The following PCDHGA7 variants were observed in gnomAD, a reference collection of about 807,000 sequenced individuals.
PCDHGA7 encodes the protein protocadherin gamma subfamily A, 7.
In PCDHGA7, 44 loss-of-function variants were observed where a neutral mutation model predicts 58.3. The observed-to-expected ratio is 0.75, with a 90% CI of 0.59 to 0.97. The LOEUF is 0.97. PCDHGA7 is among the 50% of genes least tolerant of loss of function. The pLI is 0.00. For synonymous variants in PCDHGA7, 516 were observed against 504.2 expected (o/e 1.02, Z -0.31); for missense variants, 1,266 against 1,188.7 (o/e 1.06, Z -0.96).
rs1460072742 is a variant in PCDHGA7, at chr5:141,399,761, G to A, written c.2424+14438G>A. 3 of 1,613,238 alleles carry A rather than the reference G, an allele frequency of 1.9e-6. No individual in the cohort carries two copies. The highest frequency in any genetic ancestry group is 1.7e-4 in the Middle Eastern group (1 of 5,918). On this transcript the variant is annotated intron_variant, in intron 1 of 3. Transcript: ENST00000518325. The stretch of plus-strand genomic sequence containing the variant: ...GCGCTCAGCGCAAACGTGAGCCTGC[G>A]CGTGTTGGTGGGCGACCGAAACGAC...
At chr5:141,395,078 G>T (rs756312673) in intron 1 of PCDHGA7, 3 of 1,614,126 alleles carry the variant, frequency 1.9e-6, no homozygotes, top group South Asian at 1.1e-5. Context: ...CCTATTCCCA[G>T]GAAGTCTCCC....
chr5:141,402,942 G>A, intron 1 of PCDHGA7: 1 of 1,591,382 alleles, frequency 6.3e-7, no homozygotes, highest in Non-Finnish European at 8.6e-7. Flanking sequence ...AAATTCCAAA[G>A]CGAGGCAGCA....
Position 141,476,461 on chromosome 5 carries a change from G to T in PCDHGA7, c.2425-18346G>T. On this transcript the variant is annotated intron_variant, in intron 1 of 3. Transcript: ENST00000518325. This position sits in a 1 kb window ranked among gnomAD's most constrained non-coding sequence, Gnocchi z 7.6. The stretch of plus-strand genomic sequence containing the variant: ...CTCTGGAGTTGGTAGTGGAGAACCC[G>T]CTGGAGCTGTTCAGCGTGGAAGTGG... The T allele has an allele frequency of 6.2e-7, 1 of 1,614,122 alleles. No homozygotes were observed. Among genetic ancestry groups the T allele is most frequent in the Non-Finnish European group, 8.5e-7 (1 of 1,180,022 alleles).
At chr5:141,437,761 C>T (rs1200327020) in intron 1 of PCDHGA7, among the ~76,000 whole-genome samples, 1 of 144,680 alleles carries the variant, frequency 6.9e-6, no homozygotes, top group African/African-American at 2.6e-5. Context: ...TTTTTTGAGA[C>T]AGAGTCTCAA....
chr5:141,454,762 G>C (rs889314181), intron 1 of PCDHGA7, among the ~76,000 whole-genome samples: 4 of 115,056 alleles, frequency 3.5e-5, no homozygotes, highest in African/African-American at 6.6e-5. Context: ...ATCTTGACAT[G>C]TTTTTTACAA....
chr5:141,508,026 T>A (rs972124070), intron 3 of PCDHGA7: 3 of 152,314 alleles, frequency 2.0e-5, no homozygotes, highest in African/African-American at 7.2e-5. Context: ...GGCTGCGGTT[T>A]GCAGCTCAGC....
chr5:141,428,148 G>A (rs774961575), intron 1 of PCDHGA7: 6 of 1,588,024 alleles, frequency 3.8e-6, no homozygotes, highest in East Asian at 4.5e-5. Flanking sequence ...GCTGCACACG[G>A]GAACCTGCTG....
intron 1 of PCDHGA7, chr5:141,478,675 G>A (rs1264846161): frequency 6.4e-7 from 1 of 1,551,574 alleles, no homozygotes; most frequent in South Asian, 1.2e-5. Context: ...ACTTTCAACT[G>A]GCCCTTCCTA....
rs1296142784 is a variant in PCDHGA7 at position 141,431,302 on chromosome 5, C to T, written c.2424+45979C>T. ...GCCCGAACACTCACTTCTCCCTCAT[C>T]GTGCAAAATGGAGCCGACGGTAGTA... is the stretch of plus-strand genomic sequence containing the variant. On this transcript the variant is annotated intron_variant, in intron 1 of 3. Coordinates refer to ENST00000518325, the MANE Select transcript of PCDHGA7 (RefSeq NM_018920.4). This position sits in a 1 kb window ranked among gnomAD's most constrained non-coding sequence, Gnocchi z 4.8. 2 of 1,614,028 alleles carry T rather than the reference C, an allele frequency of 1.2e-6. No individual in the cohort carries two copies. Among genetic ancestry groups the T allele is most frequent in the African/African-American group, 1.3e-5 (1 of 74,946 alleles).
intron 1 of PCDHGA7, chr5:141,403,538 C>T (rs781129314): frequency 1.5e-5 from 24 of 1,613,874 alleles, no homozygotes; most frequent in Non-Finnish European, 1.5e-5. Flanking sequence ...AGAGCTGGTG[C>T]TGGAGCGCGC....
In PCDHGA7 at chr5:141,393,848, A is replaced by G. The variant is rs1368797606; in HGVS notation, c.2424+8525A>G. Reference sequence around the variant, plus strand: ...TGGAAGATGTAAATGACAATAGACCAGAAGTGATCATTACGTCTTTGTTTA... The same window carrying G: ...TGGAAGATGTAAATGACAATAGACCGGAAGTGATCATTACGTCTTTGTTTA... On this transcript the variant is annotated intron_variant, in intron 1 of 3. Transcript: ENST00000518325. 2.5e-6 allele frequency: 4 copies of G among 1,614,008 alleles called. No individual in the cohort carries two copies. The South Asian group carries it at 4.4e-5, about 18-fold the overall frequency.
At chr5:141,467,537 A>G (rs2154569542) in intron 1 of PCDHGA7, among the ~76,000 whole-genome samples, 1 of 152,192 alleles carries the variant, frequency 6.6e-6, no homozygotes, top group Non-Finnish European at 1.5e-5. Context: ...TGAGATATGG[A>G]TCTGATTATA....
At position 141,409,100 on chromosome 5, in the gene PCDHGA7, A is replaced by G. The variant is rs1341878280; in HGVS notation, c.2424+23777A>G. ...GTTCTCATTGGATGAGAAAACAGGT[A>G]TGATTAAGAATAACCAGTCATTTGA... is the stretch of plus-strand genomic sequence containing the variant. On this transcript the variant is annotated intron_variant, in intron 1 of 3. Transcript: ENST00000518325. The G allele has an allele frequency of 6.8e-6, 11 of 1,613,934 alleles. No homozygotes were observed. In the Admixed American group the frequency reaches 1.0e-4, roughly 15 times the overall value.
rs1562157859 is a variant in PCDHGA7 at position 141,493,022 on chromosome 5, G to GTGCC, written c.2425-1784_2425-1781dup. Among the ~76,000 whole-genome samples, 2 of 152,222 alleles carry GTGCC rather than the reference G, an allele frequency of 1.3e-5. No homozygotes were observed. Among genetic ancestry groups the GTGCC allele is most frequent in the African/African-American group, 4.8e-5 (2 of 41,454 alleles). ...GCTATAGGCTCTGCCAGATGCCAGG[G>GTGCC]TGCCCTTATGTGTGAGGAAACTACA... On this transcript the variant is annotated intron_variant, in intron 1 of 3. Coordinates refer to ENST00000518325, the MANE Select transcript of PCDHGA7 (RefSeq NM_018920.4). The surrounding 1 kb of genome is among the most constrained non-coding windows in gnomAD (Gnocchi z 4.3).
At chr5:141,388,733 A>G in intron 1 of PCDHGA7, 1 of 1,613,986 alleles carries the variant, frequency 6.2e-7, no homozygotes, top group Non-Finnish European at 8.5e-7. Context: ...CTTTCAGTGA[A>G]GCTAGCCAGA....
At chr5:141,408,818 A>G in intron 1 of PCDHGA7, 1 of 1,613,578 alleles carries the variant, frequency 6.2e-7, no homozygotes, top group South Asian at 1.1e-5. Flanking sequence ...GGAAGAACAG[A>G]GATCTCATAG....
rs2097370658 is a variant in PCDHGA7 at position 141,431,413 on chromosome 5, C to T, written c.2424+46090C>T. The T allele has an allele frequency of 1.2e-6, 2 of 1,613,564 alleles. No homozygotes were observed. Among genetic ancestry groups the T allele is most frequent in the African/African-American group, 2.7e-5 (2 of 74,952 alleles). ...TGGTCCTTACGGCCTCCGACGGGGG[C>T]GACCCGGTGCGCACAGGCACCGCGC... On this transcript the variant is annotated intron_variant, in intron 1 of 3. Transcript: ENST00000518325. This position sits in a 1 kb window ranked among gnomAD's most constrained non-coding sequence, Gnocchi z 4.8.
In PCDHGA7 at chr5:141,477,097, G is replaced by A; in HGVS notation, c.2425-17710G>A. ...AGATTTACATCCAGGCCAAAGACAAGGGCGCCAATCCCGAAGGAGCACATT... is the reference window on the plus strand; with the variant it reads ...AGATTTACATCCAGGCCAAAGACAAAGGCGCCAATCCCGAAGGAGCACATT... On this transcript the variant is annotated intron_variant, in intron 1 of 3. Transcript: ENST00000518325. This position sits in a 1 kb window ranked among gnomAD's most constrained non-coding sequence, Gnocchi z 4.9. 1 of 1,614,242 alleles carries A rather than the reference G, an allele frequency of 6.2e-7. No homozygotes were observed. Among genetic ancestry groups the A allele is most frequent in the South Asian group, 1.1e-5 (1 of 91,088 alleles).
At chr5:141,404,328 T>G (rs1300173055) in intron 1 of PCDHGA7, 3 of 1,613,902 alleles carry the variant, frequency 1.9e-6, no homozygotes, top group Non-Finnish European at 2.5e-6. Flanking sequence ...TCCTACTCAG[T>G]CTACCTCCCG....
Sources: allele counts gnomAD v4.1 joint callset (sites outside exome capture counted in the v4.1 genomes callset), GRCh38; gene constraint gnomAD v4.1.1; non-coding constraint Gnocchi (gnomAD v3.1); transcripts MANE v1.5; gene names NCBI Gene and HGNC (gene_info 2026-07-23, HGNC 2026-07-21).